Variants in LRRTM3 observed in about 807,000 individuals in gnomAD.
The protein encoded by LRRTM3 is leucine-rich repeat transmembrane neuronal protein 3.
In LRRTM3, 24 loss-of-function variants were observed where a neutral mutation model predicts 44.7. The ratio of observed to expected loss-of-function variants is 0.54; its 90% CI spans 0.39 to 0.76. LRRTM3 has a LOEUF of 0.76. LRRTM3 is among the 30% of genes least tolerant of loss of function. The probability of loss-of-function intolerance (pLI) is 0.00; values close to 1 mark genes in which losing one functional copy is unlikely to be tolerated. For synonymous variants in LRRTM3, 277 were observed against 278.7 expected (o/e 0.99, Z 0.06); for missense variants, 587 against 702.2 (o/e 0.84, Z 1.85).
chr10:66,986,486 G>A (rs1250170514), intron 2 of LRRTM3, among the ~76,000 whole-genome samples: 2 of 127,102 alleles, frequency 1.6e-5, no homozygotes, highest in East Asian at 5.1e-4. Context: ...GACAGAGCAA[G>A]ACTCCATCTT....
intron 2 of LRRTM3, among the ~76,000 whole-genome samples, chr10:67,071,028 A>C (rs911688150): frequency 6.6e-6 from 1 of 152,160 alleles, no homozygotes; most frequent in Non-Finnish European, 1.5e-5. Flanking sequence ...TCTTCCCAGA[A>C]TTGCTAAACC....
chr10:66,962,027 C>T (rs116554394), intron 2 of LRRTM3, among the ~76,000 whole-genome samples: 2 of 152,282 alleles, frequency 1.3e-5, no homozygotes, highest in African/African-American at 2.4e-5. Flanking sequence ...ATTGCCACTA[C>T]TCTGGTTTAA....
At chr10:67,030,960 C>T (rs1022539807) in intron 2 of LRRTM3, among the ~76,000 whole-genome samples, 2 of 152,086 alleles carry the variant, frequency 1.3e-5, no homozygotes, top group Admixed American at 1.3e-4. Context: ...GCCGAGATTG[C>T]ATCGCTGCAC....
At chr10:67,047,921 A>G (rs1184873535) in intron 2 of LRRTM3, among the ~76,000 whole-genome samples, 1 of 152,062 alleles carries the variant, frequency 6.6e-6, no homozygotes. Flanking sequence ...TGGGTGTTAA[A>G]AGATAATCTT....
Position 66,927,062 on chromosome 10 carries a change from C to A in LRRTM3, c.146C>A (p.Ser49Tyr). 6.2e-7 allele frequency: 1 copy of A among 1,614,136 alleles called. No individual in the cohort carries two copies. Among genetic ancestry groups the A allele is most frequent in the South Asian group, 1.1e-5 (1 of 91,080 alleles). The change falls in exon 2 of 3, where the codon TCT becomes TAT. Residue 49 changes from serine (S) to tyrosine (Y), a missense_variant. Physicochemically the swap from Ser to Tyr is moderately radical, Grantham distance 144. Around this residue, in one of 3 missense-constraint regions of LRRTM3, gnomAD observed 222 missense variants for 323.3 expected, o/e 0.69. Coordinates refer to ENST00000361320, the MANE Select transcript of LRRTM3 (RefSeq NM_178011.5). This position sits in a 1 kb window ranked among gnomAD's most constrained non-coding sequence, Gnocchi z 4.7. Reference sequence around the variant, plus strand: ...GAAGGCAAAATGGTATATTGTGAATCTCAGAAATTACAGGAGATACCCTCA... The same window carrying A: ...GAAGGCAAAATGGTATATTGTGAATATCAGAAATTACAGGAGATACCCTCA... ...RCEGKMVYCE[S>Y]QKLQEIPSSI... is the part of the protein sequence containing the mutation.
At chr10:67,020,085 C>T (rs1158194947) in intron 2 of LRRTM3, among the ~76,000 whole-genome samples, 1 of 152,100 alleles carries the variant, frequency 6.6e-6, no homozygotes, top group Non-Finnish European at 1.5e-5. Context: ...TCTCTTGCAG[C>T]ACAGTCCCAA....
At chr10:67,007,858 T>A (rs886168072) in intron 2 of LRRTM3, among the ~76,000 whole-genome samples, 2 of 152,040 alleles carry the variant, frequency 1.3e-5, no homozygotes, top group African/African-American at 4.8e-5. Context: ...ATTTCAGATA[T>A]TTTGATAAAA....
intron 2 of LRRTM3, among the ~76,000 whole-genome samples, chr10:67,059,232 C>T (rs970576326): frequency 6.6e-6 from 1 of 152,092 alleles, no homozygotes; most frequent in African/African-American, 2.4e-5. Context: ...AGCCAGATCA[C>T]CATTTTCCAA....
intron 2 of LRRTM3, among the ~76,000 whole-genome samples, chr10:67,060,226 G>C (rs780873277): frequency 6.6e-6 from 1 of 152,142 alleles, no homozygotes; most frequent in Admixed American, 6.5e-5. Context: ...GCTGAGATGG[G>C]AGGATTAATT....
chr10:67,034,438 T>G (rs1853917254), intron 2 of LRRTM3, among the ~76,000 whole-genome samples: 1 of 152,204 alleles, frequency 6.6e-6, no homozygotes, highest in Non-Finnish European at 1.5e-5. Context: ...TATGTTGGTT[T>G]ATGATCTATC....
chr10:67,090,756 G>A (rs1014734476), intron 2 of LRRTM3, among the ~76,000 whole-genome samples: 5 of 151,952 alleles, frequency 3.3e-5, no homozygotes, highest in Non-Finnish European at 7.4e-5. Context: ...ACTGACAGAC[G>A]CAACAAATGC....
At chr10:67,028,628 T>C (rs569934031) in intron 2 of LRRTM3, among the ~76,000 whole-genome samples, 70 of 142,500 alleles carry the variant, frequency 4.9e-4, no homozygotes, top group Non-Finnish European at 8.6e-4. Context: ...AGATAACTGA[T>C]ACAACAAGCT....
At chr10:67,093,513 A>C (rs2131918371) in intron 2 of LRRTM3, among the ~76,000 whole-genome samples, 1 of 152,050 alleles carries the variant, frequency 6.6e-6, no homozygotes, top group South Asian at 2.1e-4. Flanking sequence ...TTATGTGAAG[A>C]GAATGGAATT....
intron 2 of LRRTM3, among the ~76,000 whole-genome samples, chr10:66,995,498 C>T (rs9971106): frequency 0.024 from 3,651 of 152,266 alleles, 154 homozygotes; most frequent in African/African-American, 0.084. Flanking sequence ...CTTTTTAAAA[C>T]ACGAAGCAGA....
intron 2 of LRRTM3, among the ~76,000 whole-genome samples, chr10:67,045,629 G>A (rs1395774541): frequency 1.3e-5 from 2 of 152,140 alleles, no homozygotes; most frequent in Non-Finnish European, 2.9e-5. Flanking sequence ...GCCAGACCCC[G>A]TTTCCCAGGA....
chr10:66,951,396 A>G (rs1848533304), intron 2 of LRRTM3, among the ~76,000 whole-genome samples: 1 of 152,206 alleles, frequency 6.6e-6, no homozygotes, highest in Non-Finnish European at 1.5e-5. Flanking sequence ...GATTACAGGC[A>G]TAAGCCACCA....
At chr10:67,065,238 T>C (rs1367122884) in intron 2 of LRRTM3, among the ~76,000 whole-genome samples, 1 of 152,170 alleles carries the variant, frequency 6.6e-6, no homozygotes, top group African/African-American at 2.4e-5. Context: ...ACGTTGACCA[T>C]ACACATGCTG....
At chr10:67,013,845 A>G (rs1242644231) in intron 2 of LRRTM3, among the ~76,000 whole-genome samples, 4 of 152,194 alleles carry the variant, frequency 2.6e-5, no homozygotes, top group African/African-American at 9.7e-5. Flanking sequence ...CAGAAAAGAT[A>G]CAGGCCCACT....
At chr10:67,088,919 A>G (rs936124942) in intron 2 of LRRTM3, among the ~76,000 whole-genome samples, 2 of 152,126 alleles carry the variant, frequency 1.3e-5, no homozygotes, top group Non-Finnish European at 2.9e-5. Flanking sequence ...AGAGAAAAAC[A>G]AACAATAAAA....
Sources: allele counts gnomAD v4.1 joint callset (sites outside exome capture counted in the v4.1 genomes callset), GRCh38; gene constraint gnomAD v4.1.1; regional missense constraint gnomAD v4.1.1; non-coding constraint Gnocchi (gnomAD v3.1); transcripts MANE v1.5; gene names NCBI Gene and HGNC (gene_info 2026-07-23, HGNC 2026-07-21).